The following GABRB1 variants were observed in gnomAD, a reference collection of about 807,000 sequenced individuals.
The protein encoded by GABRB1 is gamma-aminobutyric acid type A receptor subunit beta1.
Under a neutral mutation model 51.6 loss-of-function variants are expected in GABRB1, and 17 were observed. The observed-to-expected ratio is 0.33, with a 90% confidence interval of 0.23 to 0.49. GABRB1 has a LOEUF of 0.49. Among genes scored for constraint, GABRB1 ranks in the 20% least tolerant of loss-of-function variants. The pLI, the probability that GABRB1 is intolerant of heterozygous loss-of-function variation, is 0.99. For synonymous variants in GABRB1, 247 were observed against 218.9 expected (o/e 1.13, Z -1.14); for missense variants, 410 against 600.6 (o/e 0.68, Z 3.32).
At chr4:47,268,693 G>A (rs1722738090) in intron 4 of GABRB1, among the ~76,000 whole-genome samples, 1 of 152,048 alleles carries the variant, frequency 6.6e-6, no homozygotes. Flanking sequence ...AATGAGAAAA[G>A]CCACATGGAA....
chr4:47,422,342 C>T (rs1158135615), intron 8 of GABRB1, among the ~76,000 whole-genome samples: 2 of 152,126 alleles, frequency 1.3e-5, no homozygotes, highest in Non-Finnish European at 2.9e-5. Context: ...TGAGCTAATG[C>T]TTTTATTTCT....
At chr4:47,108,938 T>C (rs1194263572) in intron 3 of GABRB1, among the ~76,000 whole-genome samples, 1 of 152,086 alleles carries the variant, frequency 6.6e-6, no homozygotes, top group Non-Finnish European at 1.5e-5. Flanking sequence ...GTGCTTTTTA[T>C]AGAAAGTTTG....
At chr4:47,332,955 C>T (rs1403316783) in intron 5 of GABRB1, among the ~76,000 whole-genome samples, 7 of 151,284 alleles carry the variant, frequency 4.6e-5, no homozygotes, top group Non-Finnish European at 1.0e-4. Flanking sequence ...AAAGTGCATG[C>T]CTTGAAATAG....
rs529625571 is a variant in GABRB1, at chr4:47,203,794, G to T, written c.461+42325G>T. Among the ~76,000 whole-genome samples, 7 of 151,900 alleles carry T rather than the reference G, an allele frequency of 4.6e-5. No homozygotes were observed. The South Asian group carries it at 1.3e-3, about 27-fold the overall frequency. ...TCACAGCTGCCCCCTCAGAGCGTAG[G>T]TGGAGGCAAAACCTCACTCCTGGGC... On this transcript the variant is annotated intron_variant, in intron 4 of 8. Transcript: ENST00000295454.
At chr4:47,125,559 CT>C (rs71195605) in intron 3 of GABRB1, among the ~76,000 whole-genome samples, 7 of 80,696 alleles carry the variant, frequency 8.7e-5, no homozygotes, top group African/African-American at 2.3e-4. Context: ...AGTATAATTT[CT>C]TTTTTTTTTT....
chr4:47,274,134 C>A (rs1046167232), intron 4 of GABRB1, among the ~76,000 whole-genome samples: 2 of 152,100 alleles, frequency 1.3e-5, no homozygotes, highest in Non-Finnish European at 2.9e-5. Flanking sequence ...AAGAAAAACC[C>A]AAATTCCTGG....
chr4:47,110,014 T>C (rs796930040), intron 3 of GABRB1, among the ~76,000 whole-genome samples: 1 of 152,032 alleles, frequency 6.6e-6, no homozygotes, highest in Non-Finnish European at 1.5e-5. Flanking sequence ...TATTAAGCAT[T>C]GAGTTTGGGT....
intron 3 of GABRB1, among the ~76,000 whole-genome samples, chr4:47,068,491 C>A (rs1727179393): frequency 6.6e-6 from 1 of 152,162 alleles, no homozygotes; most frequent in Non-Finnish European, 1.5e-5. Flanking sequence ...TCAACTCTTT[C>A]TTTTACTTGA....
At chr4:47,223,750 A>G (rs920529789) in intron 4 of GABRB1, among the ~76,000 whole-genome samples, 2 of 152,098 alleles carry the variant, frequency 1.3e-5, no homozygotes, top group Non-Finnish European at 2.9e-5. Context: ...TTAAAAATAT[A>G]TGTTCCATAT....
intron 4 of GABRB1, among the ~76,000 whole-genome samples, chr4:47,260,422 C>T (rs1333928855): frequency 1.5e-4 from 23 of 152,264 alleles, no homozygotes; most frequent in African/African-American, 3.1e-4. Flanking sequence ...TTCCTAGCCT[C>T]GATGGTCTTT....
intron 4 of GABRB1, among the ~76,000 whole-genome samples, chr4:47,221,890 C>T (rs1720781198): frequency 6.6e-6 from 1 of 152,034 alleles, no homozygotes; most frequent in South Asian, 2.1e-4. Flanking sequence ...TCCTGGCCAA[C>T]AGCACTATAA....
At chr4:47,026,310 G>A (rs888400027) in intron 1 of GABRB1, among the ~76,000 whole-genome samples, 13 of 151,816 alleles carry the variant, frequency 8.6e-5, no homozygotes, top group South Asian at 2.1e-4. Flanking sequence ...ATGAATTAGC[G>A]CAAAGTTTAT....
rs147566169 is a variant in GABRB1, at chr4:47,078,240, C to T, written c.240+45756C>T. On this transcript the variant is annotated intron_variant, in intron 3 of 8. Transcript: ENST00000295454. ...CCAACCTCAGATGATCTGCCTCAGC[C>T]TCCCAAAGTGCTGGGACTACAGGCA... Among the ~76,000 whole-genome samples the T allele has an allele frequency of 1.4e-3, 206 of 151,848 alleles. 5 individuals carry two copies. In the East Asian group the frequency reaches 0.037, roughly 27 times the overall value.
chr4:47,137,496 C>T (rs1309652605), intron 3 of GABRB1, among the ~76,000 whole-genome samples: 1 of 152,116 alleles, frequency 6.6e-6, no homozygotes, highest in African/African-American at 2.4e-5. Context: ...CCACCTAATA[C>T]AGATGTTCAT....
At chr4:47,291,376 C>G (rs985698829) in intron 4 of GABRB1, among the ~76,000 whole-genome samples, 1 of 152,150 alleles carries the variant, frequency 6.6e-6, no homozygotes, top group African/African-American at 2.4e-5. Context: ...AGGGTTGAGG[C>G]CTTCATGGAG....
intron 5 of GABRB1, among the ~76,000 whole-genome samples, chr4:47,334,525 G>A (rs190940512): frequency 3.7e-4 from 56 of 152,202 alleles, no homozygotes; most frequent in African/African-American, 1.3e-3. Flanking sequence ...CAGAAATATA[G>A]TATCATTAAT....
rs377557034 is a variant in GABRB1 at position 47,156,161 on chromosome 4, G to C, written c.241-5088G>C. On this transcript the variant is annotated intron_variant, in intron 3 of 8. Transcript: ENST00000295454. The stretch of plus-strand genomic sequence containing the variant: ...AGGAACTTCCATACTGTTTTCTGTA[G>C]TCGCTGTACTTTGCATTCCTCCCCG... Among the ~76,000 whole-genome samples the C allele has an allele frequency of 1.3e-4, 20 of 151,602 alleles. No homozygotes were observed. In the East Asian group the frequency reaches 1.6e-3, roughly 12 times the overall value.
intron 3 of GABRB1, among the ~76,000 whole-genome samples, chr4:47,113,350 C>A (rs1458214677): frequency 6.3e-5 from 9 of 143,548 alleles, no homozygotes; most frequent in Non-Finnish European, 8.9e-5. Context: ...CGTGCCACTG[C>A]ACTCCAGCCT....
chr4:47,132,423 TTTGGTTTGG>T (rs757082030), intron 3 of GABRB1, among the ~76,000 whole-genome samples: 57,886 of 151,550 alleles, frequency 0.38, 11,402 homozygotes, highest in African/African-American at 0.46. Context: ...TTTGGTTTGG[TTTGGTTTGG>T]TTTGGTTTGG....
Sources: allele counts gnomAD v4.1 joint callset (sites outside exome capture counted in the v4.1 genomes callset), GRCh38; gene constraint gnomAD v4.1.1; transcripts MANE v1.5; gene names NCBI Gene and HGNC (gene_info 2026-07-23, HGNC 2026-07-21).